The following SLC67A2 variants were observed in gnomAD, a reference collection of about 807,000 sequenced individuals.
The protein encoded by SLC67A2 is solute carrier family 67 member A2.
At chr2:102,722,305 G>A in the SLC67A2 span, among the ~76,000 whole-genome samples, 1 of 152,158 alleles carries the variant, frequency 6.6e-6, no homozygotes. Flanking sequence ...ATGGGAATGA[G>A]CCTGGCATAC....
At chr2:102,718,620 C>T in the SLC67A2 span, 25 of 1,613,544 alleles carry the variant, frequency 1.5e-5, no homozygotes, top group Middle Eastern at 1.6e-4. Context: ...ATAAGGGTGC[C>T]GCTGGCCTGG....
the SLC67A2 span, among the ~76,000 whole-genome samples, chr2:102,721,119 G>C: frequency 6.6e-6 from 1 of 152,184 alleles, no homozygotes; most frequent in Admixed American, 6.5e-5. Flanking sequence ...TAACTGCTTA[G>C]ACCCATTTAT....
chr2:102,736,608 A>C, the SLC67A2 span: 14 of 1,613,492 alleles, frequency 8.7e-6, no homozygotes, highest in Non-Finnish European at 1.2e-5. Flanking sequence ...GCCCGAACAC[A>C]GTCAGCACTT....
At chr2:102,727,604 A>C in the SLC67A2 span, among the ~76,000 whole-genome samples, 1 of 152,250 alleles carries the variant, frequency 6.6e-6, no homozygotes, top group African/African-American at 2.4e-5. Context: ...TCAAAAATAT[A>C]AATAACGCTA....
At chr2:102,718,656 C>T in the SLC67A2 span, 1 of 1,613,684 alleles carries the variant, frequency 6.2e-7, no homozygotes. Flanking sequence ...AGCTGGAGGT[C>T]CGTGATGCAC....
chr2:102,736,685 G>T, the SLC67A2 span: 9 of 1,613,604 alleles, frequency 5.6e-6, no homozygotes, highest in South Asian at 2.2e-5. Flanking sequence ...GGAAGCGGCG[G>T]GCTCCGACGG....
the SLC67A2 span, chr2:102,723,840 GGCC>G: frequency 1.1e-5 from 17 of 1,614,032 alleles, no homozygotes; most frequent in Non-Finnish European, 1.4e-5. Context: ...GATTACAAGC[GGCC>G]GTTCCTTCTC....
At chr2:102,736,367 A>C in the SLC67A2 span, among the ~76,000 whole-genome samples, 2 of 152,062 alleles carry the variant, frequency 1.3e-5, no homozygotes, top group African/African-American at 2.4e-5. Context: ...ACCTGGTCAC[A>C]CCTGAGGTTG....
the SLC67A2 span, among the ~76,000 whole-genome samples, chr2:102,725,458 G>C: frequency 6.6e-6 from 1 of 152,106 alleles, no homozygotes; most frequent in Non-Finnish European, 1.5e-5. Context: ...ACAACTCTAC[G>C]TTCTTATTCA....
the SLC67A2 span, among the ~76,000 whole-genome samples, chr2:102,719,600 C>T: frequency 6.6e-6 from 1 of 152,210 alleles, no homozygotes; most frequent in African/African-American, 2.4e-5. Context: ...ATCCATCTAT[C>T]CAACCATCTA....
the SLC67A2 span, among the ~76,000 whole-genome samples, chr2:102,721,158 G>T: frequency 0.46 from 69,874 of 152,102 alleles, 16,742 homozygotes; most frequent in East Asian, 0.75. Context: ...CATATTAAAT[G>T]GCACTATTGT....
At chr2:102,730,509 C>T in the SLC67A2 span, among the ~76,000 whole-genome samples, 1 of 151,680 alleles carries the variant, frequency 6.6e-6, no homozygotes, top group Non-Finnish European at 1.5e-5. Context: ...TGATTACTGT[C>T]AATGAAGTGT....
chr2:102,719,967 T>C, the SLC67A2 span, among the ~76,000 whole-genome samples: 1 of 152,192 alleles, frequency 6.6e-6, no homozygotes, highest in Non-Finnish European at 1.5e-5. Flanking sequence ...CCTTACGCAG[T>C]GGCTCTAACC....
the SLC67A2 span, among the ~76,000 whole-genome samples, chr2:102,730,068 C>T: frequency 6.6e-6 from 1 of 152,178 alleles, no homozygotes; most frequent in African/African-American, 2.4e-5. Flanking sequence ...GCCTGAACCA[C>T]TGGACGCTGA....
At chr2:102,718,972 C>T in the SLC67A2 span, 8 of 1,614,250 alleles carry the variant, frequency 5.0e-6, no homozygotes, top group South Asian at 7.7e-5. Context: ...TCAGCAAGCG[C>T]ACCAGAAATA....
the SLC67A2 span, chr2:102,723,947 C>T: frequency 6.5e-7 from 1 of 1,537,204 alleles, no homozygotes; most frequent in Non-Finnish European, 9.0e-7. Context: ...TAACTTTTTC[C>T]AGACCATAAG....
At chr2:102,723,267 C>T in the SLC67A2 span, among the ~76,000 whole-genome samples, 1 of 152,136 alleles carries the variant, frequency 6.6e-6, no homozygotes, top group Non-Finnish European at 1.5e-5. Flanking sequence ...GTCAGGAGTT[C>T]GAGACCAACC....
At chr2:102,721,882 A>AT in the SLC67A2 span, among the ~76,000 whole-genome samples, 1 of 151,894 alleles carries the variant, frequency 6.6e-6, no homozygotes, top group African/African-American at 2.4e-5. Context: ...TTAAAAAAAA[A>AT]TTTTTTGTAG....
the SLC67A2 span, chr2:102,718,555 CGAGAG>C: frequency 6.2e-7 from 1 of 1,612,920 alleles, no homozygotes; most frequent in East Asian, 2.2e-5. Flanking sequence ...GGGCAACCCC[CGAGAG>C]GAGAGGGGCG....
Sources: allele counts gnomAD v4.1 joint callset (sites outside exome capture counted in the v4.1 genomes callset), GRCh38; gene constraint gnomAD v4.1.1; transcripts MANE v1.5; gene names NCBI Gene and HGNC (gene_info 2026-07-23, HGNC 2026-07-21).